The following SLC25A32 variants were observed in gnomAD, a reference collection of about 807,000 sequenced individuals.
SLC25A32 encodes the protein solute carrier family 25 member 32.
A neutral mutation model predicts 39.0 loss-of-function variants in SLC25A32; 32 were observed. The observed-to-expected ratio is 0.82, with a 90% CI of 0.62 to 1.10. The LOEUF (loss-of-function observed/expected upper bound fraction) is 1.10. Ranked by LOEUF, SLC25A32 falls within the 50% of genes least tolerant of loss-of-function variation. The pLI is 0.00. For synonymous variants in SLC25A32, 166 were observed against 152.4 expected (o/e 1.09, Z -0.66); for missense variants, 367 against 395.3 (o/e 0.93, Z 0.61).
intron 4 of SLC25A32, chr8:103,402,259 T>C (rs1816234738): frequency 2.3e-6 from 1 of 432,512 alleles, no homozygotes; most frequent in African/African-American, 2.0e-5. Flanking sequence ...TTTTAAAGGT[T>C]TGGATGTTCA....
At chr8:103,414,748 G>C in intron 1 of SLC25A32, 36 bp downstream of exon 1, 2 of 1,612,430 alleles carry the variant, frequency 1.2e-6, no homozygotes, top group Non-Finnish European at 1.7e-6. Context: ...GGCTGACAGT[G>C]AGAGGATGCA....
chr8:103,400,298 G>C lies in SLC25A32; in HGVS notation c.*113C>G. 2 of 1,255,030 alleles carry C rather than the reference G, an allele frequency of 1.6e-6. No individual in the cohort carries two copies. Among genetic ancestry groups the C allele is most frequent in the South Asian group, 2.6e-5 (2 of 77,436 alleles). The allele number at this position is 1,255,030 out of a possible 1,614,324, so 77.7% of individuals were successfully genotyped here. On this transcript the variant is annotated 3_prime_UTR_variant, in exon 7 of 7. Coordinates refer to ENST00000297578, the MANE Select transcript of SLC25A32 (RefSeq NM_030780.5). ...AGTTCTCTGGCTTCTAATGACTATAGAGCAATTTCGAATATGAGCCATGTT... is the reference window on the plus strand; with the variant it reads ...AGTTCTCTGGCTTCTAATGACTATACAGCAATTTCGAATATGAGCCATGTT...
intron 1 of SLC25A32, among the ~76,000 whole-genome samples, chr8:103,410,225 A>G (rs769803931): frequency 5.1e-4 from 78 of 152,354 alleles, no homozygotes; most frequent in Non-Finnish European, 1.8e-4. Context: ...AAATTGTTAT[A>G]TCGATAAAAT....
At chr8:103,406,049 ATG>A (rs376348142) in intron 2 of SLC25A32, among the ~76,000 whole-genome samples, 190 of 145,968 alleles carry the variant, frequency 1.3e-3, no homozygotes, top group African/African-American at 4.4e-3. Flanking sequence ...CAAATTCATG[ATG>A]TGTGTGTGTG....
intron 1 of SLC25A32, among the ~76,000 whole-genome samples, chr8:103,412,129 C>CT (rs1816480262): frequency 6.6e-6 from 1 of 152,174 alleles, no homozygotes; most frequent in South Asian, 2.1e-4. Flanking sequence ...ATATAAAGCT[C>CT]TTAGAATTAT....
At chr8:103,414,085 A>G (rs1563721471) in intron 1 of SLC25A32, among the ~76,000 whole-genome samples, 3 of 152,226 alleles carry the variant, frequency 2.0e-5, no homozygotes, top group African/African-American at 7.2e-5. Flanking sequence ...ACTTCTGTAG[A>G]TTTAATTCTC....
intron 6 of SLC25A32, 72 bp from the exon 7 acceptor site, chr8:103,400,618 C>T: frequency 6.7e-7 from 1 of 1,499,154 alleles, no homozygotes; most frequent in Non-Finnish European, 9.2e-7. Context: ...TTCTAACTGA[C>T]ACAAGGCATG....
At chr8:103,401,839 C>T in intron 5 of SLC25A32, 102 bp downstream of exon 5, 1 of 1,010,322 alleles carries the variant, frequency 9.9e-7, no homozygotes, top group Non-Finnish European at 1.5e-6. Context: ...AGAGCCAGTA[C>T]TCATCATCAT....
chr8:103,409,100 G>A (rs3098244), intron 1 of SLC25A32, among the ~76,000 whole-genome samples: 25,741 of 152,082 alleles, frequency 0.17, 2,348 homozygotes, highest in East Asian at 0.34. Flanking sequence ...GTGTGAGCAG[G>A]TTATAGAAAA....
intron 4 of SLC25A32, chr8:103,402,397 G>C (rs1422700857): frequency 6.2e-6 from 1 of 160,730 alleles, no homozygotes; most frequent in African/African-American, 2.4e-5. Flanking sequence ...AATGAACTGA[G>C]CATAGGTATT....
chr8:103,412,274 T>G (rs1169442020), intron 1 of SLC25A32, among the ~76,000 whole-genome samples: 3 of 152,244 alleles, frequency 2.0e-5, no homozygotes, highest in African/African-American at 7.2e-5. Flanking sequence ...ATATTTTGGA[T>G]GTAGTCATAG....
chr8:103,411,682 T>C (rs1324605944), intron 1 of SLC25A32, among the ~76,000 whole-genome samples: 1 of 152,216 alleles, frequency 6.6e-6, no homozygotes, highest in Non-Finnish European at 1.5e-5. Context: ...TGCTGATTTA[T>C]AGGCACAATT....
At chr8:103,400,675 A>G in intron 6 of SLC25A32, 129 bp from the exon 7 acceptor site, 1 of 925,460 alleles carries the variant, frequency 1.1e-6, no homozygotes, top group South Asian at 1.6e-5. Context: ...TCATGTTTTC[A>G]ATGTCCTAAA....
chr8:103,414,883 G>A lies in SLC25A32; in HGVS notation c.55C>T (p.Arg19Cys). The A allele has an allele frequency of 6.2e-7, 1 of 1,612,868 alleles. No homozygotes were observed. Among genetic ancestry groups the A allele is most frequent in the Non-Finnish European group, 8.5e-7 (1 of 1,179,718 alleles). The change falls in exon 1 of 7, where the codon CGC becomes TGC. Residue 19 changes from arginine to cysteine, a missense_variant. Transcript: ENST00000297578. Reference sequence around the variant, plus strand: ...ATCAGGTTCTCATACCGGACGTGGCGGAATACCGTGCTCCACGCCGACGAC... The same window carrying A: ...ATCAGGTTCTCATACCGGACGTGGCAGAATACCGTGCTCCACGCCGACGAC... ...SGSSAWSTVF[R>C]HVRYENLIAG... is the part of the protein sequence containing the mutation.
At chr8:103,403,369 C>T (rs752582898) in intron 3 of SLC25A32, 45 bp from the exon 4 acceptor site, 37 of 1,275,486 alleles carry the variant, frequency 2.9e-5, no homozygotes, top group South Asian at 1.2e-4. Context: ...CAGATACTTT[C>T]GCACTTATGA....
Position 103,400,374 on chromosome 8 carries a change from G to T in SLC25A32, c.*37C>A, listed in dbSNP as rs770302529. ...CTTAAACACAAAAGAGCTTGTTGCT[G>T]CCTTGGGCAGATATACTGGAATTGT... is the stretch of plus-strand genomic sequence containing the variant. On this transcript the variant is annotated 3_prime_UTR_variant, in exon 7 of 7. Transcript: ENST00000297578. 13 of 1,611,658 alleles carry T rather than the reference G, an allele frequency of 8.1e-6. No homozygotes were observed. In the South Asian group the frequency reaches 1.4e-4, roughly 18 times the overall value.
At chr8:103,410,479 G>A (rs900216920) in intron 1 of SLC25A32, among the ~76,000 whole-genome samples, 2 of 152,098 alleles carry the variant, frequency 1.3e-5, no homozygotes, top group Admixed American at 6.5e-5. Flanking sequence ...CACATGCAAG[G>A]GATCTAGGCT....
chr8:103,407,551 C>T (rs998446719), intron 2 of SLC25A32, 83 bp downstream of exon 2: 1 of 1,136,780 alleles, frequency 8.8e-7, no homozygotes, highest in African/African-American at 1.6e-5. Context: ...CTCAACTTAT[C>T]ATTTTACATT....
Position 103,414,950 on chromosome 8 carries a change from C to A in SLC25A32, c.-13G>T, listed in dbSNP as rs778595960. The A allele has an allele frequency of 5.6e-6, 9 of 1,594,320 alleles. No homozygotes were observed. The highest frequency in any genetic ancestry group is 1.7e-4 in the Middle Eastern group (1 of 6,036). On this transcript the variant is annotated 5_prime_UTR_variant, in exon 1 of 7. Coordinates refer to ENST00000297578, the MANE Select transcript of SLC25A32 (RefSeq NM_030780.5). Reference sequence around the variant, plus strand: ...CCTGGCCCGTCATAGGCTCGGGGCCCGTCGACACCACGGCGCCCAGGGCCG... The same window carrying A: ...CCTGGCCCGTCATAGGCTCGGGGCCAGTCGACACCACGGCGCCCAGGGCCG...
Sources: allele counts gnomAD v4.1 joint callset (sites outside exome capture counted in the v4.1 genomes callset), GRCh38; gene constraint gnomAD v4.1.1; transcripts MANE v1.5; gene names NCBI Gene and HGNC (gene_info 2026-07-23, HGNC 2026-07-21).